SPDYE14: variants seen among roughly 807,000 people sequenced by gnomAD.
SPDYE14 encodes speedy protein E14.
the SPDYE14 span, among the ~76,000 whole-genome samples, chr7:75,247,186 T>A: frequency 2.7e-4 from 8 of 29,422 alleles, 1 homozygote; most frequent in African/African-American, 3.8e-4. Flanking sequence ...AAACATTTTT[T>A]AAAAAAAATA....
the SPDYE14 span, among the ~76,000 whole-genome samples, chr7:75,257,284 G>C: frequency 1.7e-5 from 2 of 115,008 alleles, no homozygotes; most frequent in Non-Finnish European, 3.8e-5. Context: ...ATGAATGAAT[G>C]AATGAATGAA....
At chr7:75,273,795 A>C in the SPDYE14 span, among the ~76,000 whole-genome samples, 2 of 52,798 alleles carry the variant, frequency 3.8e-5, 1 homozygote, top group African/African-American at 8.9e-5. Context: ...AATTTTGGAG[A>C]GTCCACAAAC....
the SPDYE14 span, among the ~76,000 whole-genome samples, chr7:75,271,169 A>G: frequency 5.8e-3 from 69 of 11,980 alleles, no homozygotes; most frequent in African/African-American, 0.011. Flanking sequence ...GCTTGAGAAC[A>G]GGAGTTTGAG....
the SPDYE14 span, chr7:75,237,442 G>C: frequency 3.3e-4 from 2 of 5,986 alleles, no homozygotes; most frequent in African/African-American, 6.6e-4. Context: ...GCTCATCCGC[G>C]GGGGGACGAG....
At chr7:75,245,404 G>A in the SPDYE14 span, among the ~76,000 whole-genome samples, 1 of 119,530 alleles carries the variant, frequency 8.4e-6, no homozygotes, top group Admixed American at 8.7e-5. Context: ...CTGGGTGACA[G>A]AGTGAGTGAG....
At chr7:75,241,680 AATAT>A in the SPDYE14 span, among the ~76,000 whole-genome samples, 10 of 19,754 alleles carry the variant, frequency 5.1e-4, 2 homozygotes, top group African/African-American at 1.1e-3. Context: ...AAAAAAAAAA[AATAT>A]ATATATATAT....
chr7:75,272,662 G>A, the SPDYE14 span, among the ~76,000 whole-genome samples: 1 of 55,824 alleles, frequency 1.8e-5, no homozygotes, highest in African/African-American at 4.3e-5. Context: ...CAAGGCGGGC[G>A]GATCACCTGA....
the SPDYE14 span, among the ~76,000 whole-genome samples, chr7:75,271,605 T>A: frequency 4.0e-5 from 2 of 50,128 alleles, no homozygotes; most frequent in Non-Finnish European, 5.2e-5. Context: ...CTGAGGCGGG[T>A]GGATCACCTG....
chr7:75,271,593 G>A, the SPDYE14 span, among the ~76,000 whole-genome samples: 4 of 52,098 alleles, frequency 7.7e-5, no homozygotes, highest in African/African-American at 1.3e-4. Context: ...CACTTTGGGA[G>A]GCTGAGGCGG....
the SPDYE14 span, among the ~76,000 whole-genome samples, chr7:75,255,048 CTCTT>C: frequency 1.2e-3 from 6 of 4,946 alleles, no homozygotes; most frequent in Non-Finnish European, 1.5e-3. Context: ...CCCTCCCCTC[CTCTT>C]TCTTTCTTTC....
the SPDYE14 span, among the ~76,000 whole-genome samples, chr7:75,265,300 G>C: frequency 2.0e-5 from 2 of 99,466 alleles, no homozygotes; most frequent in African/African-American, 7.4e-5. Context: ...GTAGAGGCAG[G>C]GTTTCATGAT....
At chr7:75,262,387 T>TA in the SPDYE14 span, among the ~76,000 whole-genome samples, 1 of 64,018 alleles carries the variant, frequency 1.6e-5, no homozygotes, top group African/African-American at 4.4e-5. Flanking sequence ...TTTTTTTTTT[T>TA]AATAATAGAG....
the SPDYE14 span, among the ~76,000 whole-genome samples, chr7:75,240,575 GA>G: frequency 1.9e-5 from 1 of 52,186 alleles, no homozygotes; most frequent in African/African-American, 5.2e-5. Flanking sequence ...CAGCCTGGGC[GA>G]CAGAATGAGA....
the SPDYE14 span, among the ~76,000 whole-genome samples, chr7:75,267,728 T>TTTTA: frequency 2.4e-3 from 271 of 112,682 alleles, 1 homozygote; most frequent in Middle Eastern, 0.017. Context: ...GTCTGCATGA[T>TTTTA]TTTATTTATT....
chr7:75,271,659 C>T, the SPDYE14 span, among the ~76,000 whole-genome samples: 1 of 54,814 alleles, frequency 1.8e-5, no homozygotes, highest in Non-Finnish European at 4.7e-5. Flanking sequence ...GGTGAAACCC[C>T]GTCTCTACTA....
At chr7:75,279,379 T>C in the SPDYE14 span, among the ~76,000 whole-genome samples, 1 of 97,586 alleles carries the variant, frequency 1.0e-5, no homozygotes, top group Admixed American at 1.1e-4. Flanking sequence ...CTCCGCCTCC[T>C]GGATTCAAGC....
the SPDYE14 span, among the ~76,000 whole-genome samples, chr7:75,255,122 C>A: frequency 1.6e-4 from 4 of 24,614 alleles, 2 homozygotes; most frequent in Non-Finnish European, 3.8e-4. Context: ...CTTTCTCTTT[C>A]TTTCTTTCTT....
At chr7:75,237,924 C>T in the SPDYE14 span, among the ~76,000 whole-genome samples, 47 of 100,666 alleles carry the variant, frequency 4.7e-4, no homozygotes, top group African/African-American at 1.3e-3. Flanking sequence ...CGAGGGGAGG[C>T]ACGGGGCGGG....
At chr7:75,254,175 A>G in the SPDYE14 span, among the ~76,000 whole-genome samples, 1 of 47,860 alleles carries the variant, frequency 2.1e-5, no homozygotes, top group Non-Finnish European at 5.1e-5. Flanking sequence ...CTGAGATTGC[A>G]CCACTGCACT....
Sources: allele counts gnomAD v4.1 joint callset (sites outside exome capture counted in the v4.1 genomes callset), GRCh38; gene constraint gnomAD v4.1.1; transcripts MANE v1.5; gene names NCBI Gene and HGNC (gene_info 2026-07-23, HGNC 2026-07-21).